BDNF: variants seen among roughly 807,000 people sequenced by gnomAD.
BDNF encodes brain derived neurotrophic factor, also known as neurotrophic factor BDNF precursor form.
BDNF carries 1 observed loss-of-function variant against 19.5 expected under a neutral mutation model. The observed-to-expected ratio is 0.05, with a 90% CI of 0.02 to 0.24. BDNF has a LOEUF of 0.24. Among genes scored for constraint, BDNF ranks in the 10% least tolerant of loss-of-function variants. The probability of loss-of-function intolerance (pLI) is 1.00; values close to 1 mark genes in which losing one functional copy is unlikely to be tolerated. For missense variants in BDNF, 195 were observed against 317.6 expected, an observed-to-expected ratio of 0.61 and a Z score of 2.93; for synonymous variants, 100 against 121.6, an observed-to-expected ratio of 0.82 and a Z score of 1.17.
chr11:27,697,323 AT>A (rs1262487717), intron 1 of BDNF, among the ~76,000 whole-genome samples: 3 of 152,242 alleles, frequency 2.0e-5, no homozygotes, highest in Non-Finnish European at 4.4e-5. Flanking sequence ...ATAAGAAATG[AT>A]ATCAATCATC....
intron 1 of BDNF, among the ~76,000 whole-genome samples, chr11:27,711,470 C>T (rs1161992170): frequency 6.6e-6 from 1 of 152,190 alleles, no homozygotes; most frequent in Non-Finnish European, 1.5e-5. Flanking sequence ...TTGTGAGACT[C>T]ATGGCCATCT....
upstream of BDNF, among the ~76,000 whole-genome samples, chr11:27,703,745 A>C (rs905259724): frequency 6.6e-6 from 1 of 152,234 alleles, no homozygotes; most frequent in Non-Finnish European, 1.5e-5. Context: ...TTTAGAAAGA[A>C]AAGAAGATCA....
At chr11:27,665,653 C>T (rs551229628) in intron 1 of BDNF, among the ~76,000 whole-genome samples, 81 of 152,328 alleles carry the variant, frequency 5.3e-4, no homozygotes, top group Non-Finnish European at 2.2e-4. Context: ...CCCATGCCCA[C>T]GGAGCCTGGC....
At position 27,658,279 on chromosome 11, in the gene BDNF, G is replaced by T; in HGVS notation, c.286C>A (p.Leu96Ile). The T allele has an allele frequency of 6.2e-7, 1 of 1,614,046 alleles. No homozygotes were observed. Among genetic ancestry groups the T allele is most frequent in the Non-Finnish European group, 8.5e-7 (1 of 1,180,022 alleles). Reference protein sequence around the residue: ...DADLYTSRVMLSSQVPLEPPL... With the variant: ...DADLYTSRVMISSQVPLEPPL... ...GGCTCCAAAGGCACTTGACTACTGA[G>T]CATCACCCTGGACGTGTACAAGTCT... Residue 96 changes from leucine to isoleucine, a missense_variant, in exon 2 of 2, where the codon CTC (leucine) becomes ATC (isoleucine). By Grantham distance (5) the Leu-to-Ile change is conservative (BLOSUM62 2). Around this residue, in one of 2 missense-constraint regions of BDNF, gnomAD observed 124 missense variants for 155.0 expected, o/e 0.80. Transcript: ENST00000356660. This position sits in a 1 kb window ranked among gnomAD's most constrained non-coding sequence, Gnocchi z 5.7.
intron 1 of BDNF, among the ~76,000 whole-genome samples, chr11:27,683,287 T>C (rs1396944485): frequency 6.6e-6 from 1 of 152,240 alleles, no homozygotes; most frequent in Non-Finnish European, 1.5e-5. Flanking sequence ...TTTAGGTTCC[T>C]TGTAGATTCT....
intron 1 of BDNF, among the ~76,000 whole-genome samples, chr11:27,721,088 A>G (rs1179619382): frequency 1.3e-5 from 2 of 151,662 alleles, no homozygotes; most frequent in Admixed American, 1.3e-4. Flanking sequence ...GCCCACATAT[A>G]AATCATAGAA....
chr11:27,699,382 C>A (rs777738330), intron 1 of BDNF: 2 of 1,614,122 alleles, frequency 1.2e-6, no homozygotes, highest in South Asian at 2.2e-5. Context: ...ACTCACTCAC[C>A]CATTCCTCTT....
At chr11:27,701,667 C>G, upstream of BDNF, 1 of 971,612 alleles carries the variant, frequency 1.0e-6, no homozygotes, top group Non-Finnish European at 1.2e-6. Context: ...GGTGCCTTGA[C>G]GTGCGCTGTC....
chr11:27,718,525 T>G, intron 1 of BDNF, among the ~76,000 whole-genome samples: 1 of 140,898 alleles, frequency 7.1e-6, no homozygotes, highest in Admixed American at 7.1e-5. Flanking sequence ...TGATCAGAAA[T>G]CCCCCCGCCC....
At chr11:27,680,536 TAAG>T (rs1052974221) in intron 1 of BDNF, among the ~76,000 whole-genome samples, 1 of 152,176 alleles carries the variant, frequency 6.6e-6, no homozygotes, top group African/African-American at 2.4e-5. Flanking sequence ...TCCTAGCTGA[TAAG>T]AACAATACTG....
chr11:27,665,652 A>C (rs1193172547), intron 1 of BDNF, among the ~76,000 whole-genome samples: 16 of 152,198 alleles, frequency 1.1e-4, no homozygotes, highest in Admixed American at 9.8e-4. Context: ...TCCCATGCCC[A>C]CGGAGCCTGG....
chr11:27,667,959 T>C (rs1044449679), intron 1 of BDNF, among the ~76,000 whole-genome samples: 3 of 152,228 alleles, frequency 2.0e-5, no homozygotes, highest in African/African-American at 7.2e-5. Context: ...ATCAACAGAA[T>C]ATACATTCTT....
At chr11:27,686,488 A>C (rs1334876712) in intron 1 of BDNF, among the ~76,000 whole-genome samples, 1 of 152,180 alleles carries the variant, frequency 6.6e-6, no homozygotes, top group East Asian at 1.9e-4. Flanking sequence ...GTTTCTTCAT[A>C]GTTTCAATGG....
Position 27,656,764 on chromosome 11 carries a change from TA to T in BDNF, c.*1056del. 1.0e-6 allele frequency: 1 copy of T among 985,352 alleles called. No homozygotes were observed. Among genetic ancestry groups the T allele is most frequent in the Non-Finnish European group, 1.2e-6 (1 of 829,884 alleles). 61.0% of individuals were successfully genotyped at this position (985,352 alleles called of 1,614,324 possible). On this transcript the variant is annotated 3_prime_UTR_variant, in exon 2 of 2. Transcript: ENST00000356660. ...GATTTACCCAAATGTTCACTCCTCATAAAAAATAATCTTCATTTTGGGGTTA... is the reference window on the plus strand; with the variant it reads ...GATTTACCCAAATGTTCACTCCTCATAAAAATAATCTTCATTTTGGGGTTA...
upstream of BDNF, chr11:27,701,696 C>T (rs1859906970): frequency 1.2e-6 from 1 of 832,596 alleles, no homozygotes; most frequent in East Asian, 1.2e-4. Context: ...CCTCCGCTGC[C>T]TCGAAATAGA....
intron 1 of BDNF, among the ~76,000 whole-genome samples, chr11:27,706,279 TAA>T (rs1860107555): frequency 6.6e-6 from 1 of 152,214 alleles, no homozygotes. Context: ...GATAGACCTA[TAA>T]AAGATAGGTC....
chr11:27,712,427 C>A lies in BDNF; in HGVS notation c.3+8985G>T, dbSNP rs1003570297. 2.6e-5 allele frequency among the ~76,000 whole-genome samples: 4 copies of A among 152,246 alleles called. No individual in the cohort carries two copies. In the East Asian group the frequency reaches 7.7e-4, roughly 29 times the overall value. On this transcript the variant is annotated intron_variant, in intron 1 of 1. Transcript: ENST00000314915. The stretch of plus-strand genomic sequence containing the variant: ...TTAAAAAGCATATATATTACTATAT[C>A]ACACAATATATTATTTTAAATGTTT...
At chr11:27,718,660 T>C (rs967770855) in intron 1 of BDNF, among the ~76,000 whole-genome samples, 1 of 149,292 alleles carries the variant, frequency 6.7e-6, no homozygotes, top group Non-Finnish European at 1.5e-5. Context: ...GCAGGCTTGC[T>C]CCGTAAACCC....
In BDNF at chr11:27,658,085, C is replaced by T. The variant is rs370102323; in HGVS notation, c.480G>A (p.Ser160=). ...AADKKTAVDM[S]GGTVTVLEKV... is the part of the protein sequence containing the mutation. Reference sequence around the variant, plus strand: ...TTTCAAGGACTGTGACCGTCCCGCCCGACATGTCCACTGCAGTCTTTTTGT... The same window carrying T: ...TTTCAAGGACTGTGACCGTCCCGCCTGACATGTCCACTGCAGTCTTTTTGT... The change falls in exon 2 of 2, where the codon TCG becomes TCA. Residue 160 remains serine (S), a synonymous_variant. Coordinates refer to ENST00000356660, the MANE Select transcript of BDNF (RefSeq NM_001709.5). The surrounding 1 kb of genome is among the most constrained non-coding windows in gnomAD (Gnocchi z 5.7). The T allele has an allele frequency of 8.4e-5, 136 of 1,614,042 alleles. No individual in the cohort carries two copies. The highest frequency in any genetic ancestry group is 1.1e-4 in the Non-Finnish European group (124 of 1,180,046).
Sources: gnomAD v4.1 joint callset for allele counts (sites outside exome capture counted in the v4.1 genomes callset) on GRCh38, gnomAD v4.1.1 for gene constraint, gnomAD v4.1.1 regional missense constraint, Gnocchi (gnomAD v3.1) non-coding constraint, MANE v1.5 for transcripts, NCBI Gene and HGNC (gene_info 2026-07-23, HGNC 2026-07-21) for gene names.